The following BEGAIN variants were observed in gnomAD, a reference collection of about 807,000 sequenced individuals.
The protein encoded by BEGAIN is brain-enriched guanylate kinase-associated protein.
Under a neutral mutation model 35.8 loss-of-function variants are expected in BEGAIN, and 19 were observed. That is an observed-to-expected ratio of 0.53 (90% confidence interval 0.37 to 0.78). BEGAIN has a LOEUF of 0.78. BEGAIN is among the 30% of genes least tolerant of loss of function. The pLI is 0.00. For missense variants in BEGAIN, 795 were observed against 853.6 expected, an observed-to-expected ratio of 0.93 and a Z score of 0.85; for synonymous variants, 462 against 388.6, an observed-to-expected ratio of 1.19 and a Z score of -2.22.
rs986192725 is a variant in BEGAIN, at chr14:100,568,597, T to C, written c.43-658A>G. 3 of 1,128,508 alleles carry C rather than the reference T, an allele frequency of 2.7e-6. No homozygotes were observed. In the African/African-American group the frequency reaches 4.9e-5, roughly 18 times the overall value. The allele number at this position is 1,128,508 out of a possible 1,614,324, so 69.9% of individuals were successfully genotyped here. A position where few individuals can be genotyped will look rare whatever the true frequency, so the allele number is the denominator to read the frequency against. On this transcript the variant is annotated intron_variant, in intron 1 of 6. Coordinates refer to ENST00000554140, the MANE Select transcript of BEGAIN (RefSeq NM_001385089.1). This position sits in a 1 kb window ranked among gnomAD's most constrained non-coding sequence, Gnocchi z 7.5. ...TCGCCGGCGGGGCTCCCTGCCTTGC[T>C]TGCGCAGACCCGCCCGCGCGCGGCT...
rs2139723171 is a variant in BEGAIN at position 100,568,434 on chromosome 14, C to CTG, written c.43-497_43-496dup. 7.8e-7 allele frequency: 1 copy of CTG among 1,283,458 alleles called. No homozygotes were observed. The highest frequency in any genetic ancestry group is 5.6e-5 in the East Asian group (1 of 17,704). The allele number at this position is 1,283,458 out of a possible 1,614,324, so 79.5% of individuals were successfully genotyped here. On this transcript the variant is annotated intron_variant, in intron 1 of 6. Coordinates refer to ENST00000554140, the MANE Select transcript of BEGAIN (RefSeq NM_001385089.1). The surrounding 1 kb of genome is among the most constrained non-coding windows in gnomAD (Gnocchi z 7.5). ...TCGGGGCCGTGCAGGATTGCAGAACCTGACACTCACACAATCCGAGGGCGA... is the reference window on the plus strand; with the variant it reads ...TCGGGGCCGTGCAGGATTGCAGAACCTGTGACACTCACACAATCCGAGGGCGA...
intron 2 of BEGAIN, among the ~76,000 whole-genome samples, chr14:100,557,549 C>A (rs1447126828): frequency 6.6e-6 from 1 of 152,158 alleles, no homozygotes. Context: ...TTCTCACAGC[C>A]CCTCACTGGC....
chr14:100,567,095 G>C lies in BEGAIN; in HGVS notation c.71+816C>G, dbSNP rs528126699. On this transcript the variant is annotated intron_variant, in intron 2 of 6. Transcript: ENST00000554140. This position sits in a 1 kb window ranked among gnomAD's most constrained non-coding sequence, Gnocchi z 5.1. ...CGAGGACGGAGACCCTGTGGGCCAG[G>C]GGAGACAGTGCTGAAACCCAGCAGC... Among the ~76,000 whole-genome samples, 6 of 152,288 alleles carry C rather than the reference G, an allele frequency of 3.9e-5. No homozygotes were observed. Among genetic ancestry groups the C allele is most frequent in the South Asian group, 2.1e-4 (1 of 4,832 alleles).
At chr14:100,557,061 G>A (rs1034970959) in intron 2 of BEGAIN, among the ~76,000 whole-genome samples, 3 of 126,014 alleles carry the variant, frequency 2.4e-5, no homozygotes, top group South Asian at 2.3e-4. Context: ...CGGCTCTGCC[G>A]GCCTCTTCCA....
At chr14:100,577,892 C>T (rs2035236151) in intron 1 of BEGAIN, 4 of 399,166 alleles carry the variant, frequency 1.0e-5, no homozygotes, top group East Asian at 3.6e-5. Context: ...GAGCTGTAGC[C>T]GTCCTGCCTG....
At chr14:100,546,693 C>G (rs779663946) in intron 2 of BEGAIN, 31 bp from the exon 3 acceptor site, 1 of 1,536,800 alleles carries the variant, frequency 6.5e-7, no homozygotes, top group African/African-American at 1.4e-5. Context: ...CGGGCCGGGC[C>G]GCGGCGCTGA....
At chr14:100,550,400 G>T (rs1405799579) in intron 2 of BEGAIN, 1 of 399,090 alleles carries the variant, frequency 2.5e-6, no homozygotes, top group Non-Finnish European at 4.4e-6. Context: ...GGGAGCCGGG[G>T]GAGACAACAG....
chr14:100,566,654 G>C (rs550520520), intron 2 of BEGAIN, among the ~76,000 whole-genome samples: 78 of 152,294 alleles, frequency 5.1e-4, no homozygotes, highest in African/African-American at 1.8e-3. Context: ...CGCTCTTTGG[G>C]CCTCACCGCC....
chr14:100,538,853 A>C lies in BEGAIN; in HGVS notation c.955T>G (p.Tyr319Asp), dbSNP rs780199430. The C allele has an allele frequency of 6.2e-7, 1 of 1,607,290 alleles. No individual in the cohort carries two copies. The highest frequency in any genetic ancestry group is 1.1e-5 in the South Asian group (1 of 90,188). ...YAGSLPTSSSYSSFSATSEEK... is the reference protein window; with the variant it reads ...YAGSLPTSSSDSSFSATSEEK... ...TCCGACGTGGCGCTGAAGCTGGAGT[A>C]GGAGCTGGACGTGGGCAGTGAGCCT... The change falls in exon 7 of 7, where the codon TAC becomes GAC. Residue 319 changes from tyrosine to aspartate, a missense_variant. By Grantham distance (160) the Tyr-to-Asp change is radical. Coordinates refer to ENST00000554140, the MANE Select transcript of BEGAIN (RefSeq NM_001385089.1).
rs1433725274 is a variant in BEGAIN, at chr14:100,540,544, C to T, written c.444G>A (p.Gln148=). The stretch of plus-strand genomic sequence containing the variant: ...CGTAGGTCTGGCTGCACTGCAGCAG[C>T]TGGGCCGCTAGATTGCAGTCCTTCC... ...LYRKDCNLAA[Q]LLQCSQTYGR... is the part of the protein sequence containing the mutation. The change falls in exon 6 of 7, where the codon CAG becomes CAA. Residue 148 remains glutamine (Q), a synonymous_variant. Coordinates refer to ENST00000554140, the MANE Select transcript of BEGAIN (RefSeq NM_001385089.1). 12 of 1,608,026 alleles carry T rather than the reference C, an allele frequency of 7.5e-6. No homozygotes were observed. The highest frequency in any genetic ancestry group is 2.7e-5 in the African/African-American group (2 of 74,840).
intron 1 of BEGAIN, among the ~76,000 whole-genome samples, chr14:100,578,515 A>T (rs1476802551): frequency 2.0e-5 from 3 of 152,250 alleles, no homozygotes; most frequent in African/African-American, 7.2e-5. Flanking sequence ...CTTTTGAGAT[A>T]CAGGGTAGTC....
chr14:100,538,540 G>C lies in BEGAIN; in HGVS notation c.1268C>G (p.Pro423Arg). The C allele has an allele frequency of 6.6e-7, 1 of 1,513,464 alleles. No homozygotes were observed. The highest frequency in any genetic ancestry group is 8.8e-7 in the Non-Finnish European group (1 of 1,132,540). 93.8% of individuals were successfully genotyped at this position (1,513,464 alleles called of 1,614,324 possible). A position where few individuals can be genotyped will look rare whatever the true frequency, so the allele number is the denominator to read the frequency against. Residue 423 changes from proline to arginine, a missense_variant, in exon 7 of 7, where the codon CCG (proline) becomes CGG (arginine). This residue lies in a region of BEGAIN where 664 missense variants were observed against 647.7 expected (regional missense o/e 1.03). Transcript: ENST00000554140. ...CTCCCCGGGGAGCCGGGCGGTCCCC[G>C]GCTTGGCCCGCAGGCTCCACAGGTT... ...PPNLWSLRAK[P>R]GTARLPGEDM...
intron 1 of BEGAIN, among the ~76,000 whole-genome samples, chr14:100,581,283 A>C (rs773412892): frequency 6.6e-6 from 1 of 152,214 alleles, no homozygotes; most frequent in Non-Finnish European, 1.5e-5. Flanking sequence ...CTGGCCAACC[A>C]GTCCTCTGAG....
At chr14:100,578,182 A>C (rs1251873775) in intron 1 of BEGAIN, among the ~76,000 whole-genome samples, 1 of 152,244 alleles carries the variant, frequency 6.6e-6, no homozygotes, top group Non-Finnish European at 1.5e-5. Context: ...GGGCTTAGAA[A>C]GTGCTAGAGA....
intron 2 of BEGAIN, among the ~76,000 whole-genome samples, chr14:100,555,276 G>A (rs2033601368): frequency 6.6e-6 from 1 of 152,238 alleles, no homozygotes; most frequent in Non-Finnish European, 1.5e-5. Flanking sequence ...TGGAAACCCG[G>A]GCTGGGTGGG....
intron 3 of BEGAIN, 147 bp from the exon 4 acceptor site, chr14:100,545,213 C>A: frequency 6.6e-7 from 1 of 1,505,814 alleles, no homozygotes; most frequent in Non-Finnish European, 8.8e-7. Context: ...AATGTGTGCC[C>A]CTCTGCACAC....
chr14:100,573,511 A>G lies in BEGAIN; in HGVS notation c.43-5572T>C, dbSNP rs2035135692. Among the ~76,000 whole-genome samples, 1 of 152,084 alleles carries G rather than the reference A, an allele frequency of 6.6e-6. No homozygotes were observed. The highest frequency in any genetic ancestry group is 1.5e-5 in the Non-Finnish European group (1 of 67,970). ...TGAATGGGGGCGTCTCTGGCACACC[A>G]CTGTGTGGAGAGGGGCAAGTGCAGG... On this transcript the variant is annotated intron_variant, in intron 1 of 6. Transcript: ENST00000554140. The surrounding 1 kb of genome is among the most constrained non-coding windows in gnomAD (Gnocchi z 4.2).
Position 100,538,321 on chromosome 14 carries a change from G to T in BEGAIN, c.1487C>A (p.Ser496Tyr). 1 of 1,522,346 alleles carries T rather than the reference G, an allele frequency of 6.6e-7. No homozygotes were observed. 94.3% of individuals were successfully genotyped at this position (1,522,346 alleles called of 1,614,324 possible). A position where few individuals can be genotyped will look rare whatever the true frequency, so the allele number is the denominator to read the frequency against. The change falls in exon 7 of 7, where the codon TCC becomes TAC. Residue 496 changes from serine to tyrosine, a missense_variant. Coordinates refer to ENST00000554140, the MANE Select transcript of BEGAIN (RefSeq NM_001385089.1). Reference sequence around the variant, plus strand: ...GCCCTGGGAGAGGTCGTCCCCCTCGGAGAAGCTGTCGGCCTTGTAGCTGGC... The same window carrying T: ...GCCCTGGGAGAGGTCGTCCCCCTCGTAGAAGCTGTCGGCCTTGTAGCTGGC... ...LYASYKADSF[S>Y]EGDDLSQGHL...
At chr14:100,585,725 G>A (rs1025169616) in intron 1 of BEGAIN, among the ~76,000 whole-genome samples, 11 of 152,094 alleles carry the variant, frequency 7.2e-5, no homozygotes, top group Non-Finnish European at 1.3e-4. Flanking sequence ...CCCAGCGCAT[G>A]GAAAACTCAT....
Sources: allele counts gnomAD v4.1 joint callset (sites outside exome capture counted in the v4.1 genomes callset), GRCh38; gene constraint gnomAD v4.1.1; regional missense constraint gnomAD v4.1.1; non-coding constraint Gnocchi (gnomAD v3.1); transcripts MANE v1.5; gene names NCBI Gene and HGNC (gene_info 2026-07-23, HGNC 2026-07-21).